The following NBEA variants were observed in gnomAD, a reference collection of about 807,000 sequenced individuals.
NBEA encodes the protein neurobeachin.
A neutral mutation model predicts 343.4 loss-of-function variants in NBEA; 44 were observed. That is an observed-to-expected ratio of 0.13 (90% CI 0.10 to 0.16). The LOEUF (loss-of-function observed/expected upper bound fraction) is 0.16. NBEA is among the 10% of genes least tolerant of loss of function. The probability of loss-of-function intolerance (pLI) is 1.00; values close to 1 mark genes in which losing one functional copy is unlikely to be tolerated. For synonymous variants in NBEA, 1,175 were observed against 1,238.7 expected, an observed-to-expected ratio of 0.95 and a Z score of 1.08; for missense variants, 2,555 against 3,631.3, an observed-to-expected ratio of 0.70 and a Z score of 7.62.
At chr13:35,450,618 G>T (rs2046262745) in intron 39 of NBEA, among the ~76,000 whole-genome samples, 1 of 152,148 alleles carries the variant, frequency 6.6e-6, no homozygotes, top group South Asian at 2.1e-4. Flanking sequence ...ACATCATTTG[G>T]AGAGCCATTG....
At chr13:35,542,321 T>C (rs1229855663) in intron 41 of NBEA, among the ~76,000 whole-genome samples, 1 of 152,246 alleles carries the variant, frequency 6.6e-6, no homozygotes, top group Non-Finnish European at 1.5e-5. Flanking sequence ...TTGATCATTT[T>C]TGTTTGCCTC....
chr13:34,983,047 G>A (rs146271268), intron 1 of NBEA, among the ~76,000 whole-genome samples: 29 of 152,170 alleles, frequency 1.9e-4, no homozygotes, highest in African/African-American at 7.0e-4. Context: ...TATACTTTAA[G>A]TTCTAGGGTA....
intron 55 of NBEA, among the ~76,000 whole-genome samples, chr13:35,656,635 A>G (rs997563193): frequency 5.3e-5 from 8 of 152,340 alleles, no homozygotes; most frequent in African/African-American, 1.7e-4. Context: ...ATGACTGAAG[A>G]GCTGGATAAG....
chr13:35,294,453 A>G (rs1304340827), intron 35 of NBEA, among the ~76,000 whole-genome samples: 1 of 152,152 alleles, frequency 6.6e-6, no homozygotes, highest in South Asian at 2.1e-4. Context: ...TTTGGTGTGT[A>G]TAGTAAGAAG....
chr13:35,333,223 GAAATA>G (rs1313343188), intron 36 of NBEA, among the ~76,000 whole-genome samples: 1 of 151,756 alleles, frequency 6.6e-6, no homozygotes, highest in Non-Finnish European at 1.5e-5. Context: ...TTAGAATTGT[GAAATA>G]AAATAAAGCG....
At chr13:35,459,785 A>G (rs1288812147) in intron 40 of NBEA, among the ~76,000 whole-genome samples, 1 of 152,258 alleles carries the variant, frequency 6.6e-6, no homozygotes, top group Non-Finnish European at 1.5e-5. Context: ...CTGGGGAAAC[A>G]TAATTAAAAT....
At chr13:34,973,024 A>G (rs1000411964) in intron 1 of NBEA, among the ~76,000 whole-genome samples, 3 of 151,192 alleles carry the variant, frequency 2.0e-5, no homozygotes, top group African/African-American at 4.9e-5. Context: ...TTTTTCTTTT[A>G]ATAGTCTGGC....
intron 33 of NBEA, among the ~76,000 whole-genome samples, chr13:35,212,390 TATTA>T (rs1430334984): frequency 1.3e-5 from 2 of 152,218 alleles, no homozygotes; most frequent in Non-Finnish European, 2.9e-5. Context: ...TACCATAATT[TATTA>T]ATTCATTTTA....
intron 48 of NBEA, among the ~76,000 whole-genome samples, chr13:35,619,597 A>G (rs749640474): frequency 1.3e-5 from 2 of 152,188 alleles, no homozygotes; most frequent in Non-Finnish European, 2.9e-5. Flanking sequence ...GAGATGGGCC[A>G]GAGGGGGCTC....
intron 45 of NBEA, among the ~76,000 whole-genome samples, chr13:35,570,893 A>G (rs1223961854): frequency 2.0e-5 from 3 of 152,352 alleles, no homozygotes; most frequent in African/African-American, 7.2e-5. Context: ...TATTATCACA[A>G]TGAAGAGATG....
chr13:35,637,293 A>C (rs2083732607), intron 49 of NBEA, among the ~76,000 whole-genome samples: 1 of 152,178 alleles, frequency 6.6e-6, no homozygotes, highest in Admixed American at 6.5e-5. Context: ...AGAAAATAAC[A>C]AGTGTTAGTG....
chr13:35,300,053 C>CT (rs2036432492), intron 35 of NBEA, among the ~76,000 whole-genome samples: 1 of 152,172 alleles, frequency 6.6e-6, no homozygotes, highest in Non-Finnish European at 1.5e-5. Flanking sequence ...CTCCTCTATG[C>CT]TATGTACTTT....
At chr13:35,042,791 TCTTA>T (rs1211760596) in intron 2 of NBEA, among the ~76,000 whole-genome samples, 1 of 151,840 alleles carries the variant, frequency 6.6e-6, no homozygotes, top group African/African-American at 2.4e-5. Flanking sequence ...AATACCTCTG[TCTTA>T]CTTTTTAATA....
At chr13:35,190,486 G>A (rs910892647) in intron 30 of NBEA, among the ~76,000 whole-genome samples, 4 of 152,198 alleles carry the variant, frequency 2.6e-5, no homozygotes, top group Admixed American at 6.5e-5. Flanking sequence ...CAGAGCCTGT[G>A]GCAAAGGGTG....
intron 39 of NBEA, among the ~76,000 whole-genome samples, chr13:35,450,018 T>C (rs565607731): frequency 6.6e-6 from 1 of 152,246 alleles, no homozygotes; most frequent in Non-Finnish European, 1.5e-5. Flanking sequence ...CCTCAACATG[T>C]GTTTTTACTC....
intron 41 of NBEA, among the ~76,000 whole-genome samples, chr13:35,505,495 C>T (rs961567058): frequency 6.6e-6 from 1 of 152,076 alleles, no homozygotes; most frequent in African/African-American, 2.4e-5. Flanking sequence ...TATTATTTCT[C>T]CTTCAACTCT....
intron 21 of NBEA, among the ~76,000 whole-genome samples, chr13:35,157,825 T>TA (rs1318445622): frequency 6.6e-6 from 1 of 152,080 alleles, no homozygotes; most frequent in Non-Finnish European, 1.5e-5. Context: ...AATTCAGAGT[T>TA]ATGGGTTTCT....
intron 24 of NBEA, chr13:35,165,240 C>T (rs1489668555): frequency 2.3e-6 from 1 of 427,702 alleles, no homozygotes; most frequent in East Asian, 6.6e-5. Flanking sequence ...CATTAACAAG[C>T]TTTTTCTACA....
At chr13:35,634,113 G>A (rs1204949873) in intron 49 of NBEA, among the ~76,000 whole-genome samples, 1 of 152,154 alleles carries the variant, frequency 6.6e-6, no homozygotes, top group Non-Finnish European at 1.5e-5. Context: ...GGAAAGCCGA[G>A]GCAGGCAGAT....
Sources: gnomAD v4.1 joint callset for allele counts (sites outside exome capture counted in the v4.1 genomes callset) on GRCh38, gnomAD v4.1.1 for gene constraint, MANE v1.5 for transcripts, NCBI Gene and HGNC (gene_info 2026-07-23, HGNC 2026-07-21) for gene names.